Variants in FMNL2 observed in about 807,000 individuals in gnomAD.
FMNL2 encodes the protein formin-like protein 2.
In FMNL2, 51 loss-of-function variants were observed where a neutral mutation model predicts 130.2. The ratio of observed to expected loss-of-function variants is 0.39; its 90% CI spans 0.31 to 0.49. The LOEUF is 0.49. Among genes scored for constraint, FMNL2 ranks in the 20% least tolerant of loss-of-function variants. The pLI, the probability that FMNL2 is intolerant of heterozygous loss-of-function variation, is 0.85. For missense variants in FMNL2, 977 were observed against 1,316.2 expected (o/e 0.74, Z 3.99); for synonymous variants, 465 against 467.1 (o/e 1.00, Z 0.06).
intron 2 of FMNL2, among the ~76,000 whole-genome samples, chr2:152,527,785 C>T (rs1693469778): frequency 6.6e-6 from 1 of 152,138 alleles, no homozygotes; most frequent in Non-Finnish European, 1.5e-5. Flanking sequence ...GTCCTTTTCA[C>T]ATGACCCTCT....
chr2:152,402,259 G>C (rs1424112581), intron 1 of FMNL2, among the ~76,000 whole-genome samples: 2 of 152,138 alleles, frequency 1.3e-5, no homozygotes, highest in East Asian at 3.9e-4. Context: ...TGTAAATAGT[G>C]GTGAAACATG....
In FMNL2 at chr2:152,391,515, A is replaced by C. The variant is rs140066819; in HGVS notation, c.117+55795A>C. Among the ~76,000 whole-genome samples the C allele has an allele frequency of 5.9e-4, 89 of 152,134 alleles. 2 individuals are homozygous for C. The East Asian group carries it at 0.015, about 26-fold the overall frequency. On this transcript the variant is annotated intron_variant, in intron 1 of 25. Coordinates refer to ENST00000288670, the MANE Select transcript of FMNL2 (RefSeq NM_052905.4). ...AGGTGTAATTGGGATGGAGAAAGGA[A>C]GGGCAGCATGCAGGAAGTCATGTGA...
At chr2:152,646,231 C>T (rs2105989748) in intron 25 of FMNL2, among the ~76,000 whole-genome samples, 1 of 151,960 alleles carries the variant, frequency 6.6e-6, no homozygotes, top group African/African-American at 2.4e-5. Context: ...ACCTGGGACG[C>T]TGAGATGTGT....
chr2:152,524,335 T>C (rs16831290), intron 2 of FMNL2, among the ~76,000 whole-genome samples: 1,914 of 152,256 alleles, frequency 0.013, 53 homozygotes, highest in African/African-American at 0.043. Flanking sequence ...ATTGCATAAA[T>C]ACAAAGATGA....
At chr2:152,643,000 C>T (rs1034459679) in intron 25 of FMNL2, among the ~76,000 whole-genome samples, 1 of 115,454 alleles carries the variant, frequency 8.7e-6, no homozygotes, top group African/African-American at 3.2e-5. Context: ...TAGAGGGAGA[C>T]TCTGTCTCAA....
intron 1 of FMNL2, among the ~76,000 whole-genome samples, chr2:152,441,858 C>G (rs1688067854): frequency 6.6e-6 from 1 of 151,418 alleles, no homozygotes; most frequent in South Asian, 2.1e-4. Context: ...GAGAGAGGGA[C>G]TTGGAGCAGT....
At chr2:152,623,277 A>C (rs1027548955) in intron 15 of FMNL2, among the ~76,000 whole-genome samples, 4 of 152,140 alleles carry the variant, frequency 2.6e-5, no homozygotes, top group African/African-American at 4.8e-5. Context: ...GATCCCTAAC[A>C]TTGCCGAAGT....
intron 6 of FMNL2, among the ~76,000 whole-genome samples, chr2:152,569,111 C>CTT (rs34246751): frequency 7.5e-6 from 1 of 133,402 alleles, no homozygotes; most frequent in Non-Finnish European, 1.6e-5. Context: ...CCGCCCCAAT[C>CTT]TTTTTTTTTT....
At chr2:152,589,047 G>A (rs745853525) in intron 9 of FMNL2, among the ~76,000 whole-genome samples, 13 of 149,642 alleles carry the variant, frequency 8.7e-5, no homozygotes, top group African/African-American at 2.0e-4. Context: ...ATCAGCTGCC[G>A]TATTCATTTA....
chr2:152,630,435 G>C (rs1682082431), intron 20 of FMNL2, among the ~76,000 whole-genome samples: 1 of 152,194 alleles, frequency 6.6e-6, no homozygotes, highest in Non-Finnish European at 1.5e-5. Flanking sequence ...CTTTTTGTAA[G>C]TACTTTTCTA....
At chr2:152,367,540 A>G (rs1413120782) in intron 1 of FMNL2, among the ~76,000 whole-genome samples, 1 of 152,202 alleles carries the variant, frequency 6.6e-6, no homozygotes, top group Non-Finnish European at 1.5e-5. Flanking sequence ...GAAGTCACTT[A>G]GATAATTTCT....
intron 1 of FMNL2, among the ~76,000 whole-genome samples, chr2:152,419,504 A>G (rs1415052004): frequency 1.3e-5 from 2 of 152,190 alleles, no homozygotes; most frequent in Non-Finnish European, 2.9e-5. Flanking sequence ...AATCGAATTC[A>G]TAGAGGCAGA....
chr2:152,375,875 C>CTATATATATATATATATATATATATA (rs71394478), intron 1 of FMNL2, among the ~76,000 whole-genome samples: 3 of 112,834 alleles, frequency 2.7e-5, no homozygotes, highest in Non-Finnish European at 1.7e-5. Flanking sequence ...CTCTCTCTCT[C>CTATATATATATATATATATATATATA]TCTATATATA....
intron 2 of FMNL2, among the ~76,000 whole-genome samples, chr2:152,531,091 A>G (rs980269988): frequency 6.6e-6 from 1 of 152,130 alleles, no homozygotes; most frequent in Non-Finnish European, 1.5e-5. Context: ...TCTTACCGGT[A>G]AAACCACTGT....
At chr2:152,504,996 AC>A (rs1280002099) in intron 1 of FMNL2, among the ~76,000 whole-genome samples, 1 of 152,244 alleles carries the variant, frequency 6.6e-6, no homozygotes, top group African/African-American at 2.4e-5. Context: ...CATTTAAAGC[AC>A]AGTTCTTCAG....
At chr2:152,518,261 T>C (rs1231594542) in intron 1 of FMNL2, among the ~76,000 whole-genome samples, 1 of 152,182 alleles carries the variant, frequency 6.6e-6, no homozygotes, top group African/African-American at 2.4e-5. Context: ...ATGGTCCTTA[T>C]GGAATTATTA....
At chr2:152,350,221 C>T (rs554904881) in intron 1 of FMNL2, among the ~76,000 whole-genome samples, 8 of 152,108 alleles carry the variant, frequency 5.3e-5, no homozygotes, top group South Asian at 2.1e-4. Context: ...TTTGTTTCTC[C>T]GTTTGCTGGT....
chr2:152,597,347 A>C (rs1697824168), intron 9 of FMNL2, among the ~76,000 whole-genome samples: 1 of 152,260 alleles, frequency 6.6e-6, no homozygotes, highest in Non-Finnish European at 1.5e-5. Context: ...TCATCTTGCA[A>C]CTGAAATAAT....
At chr2:152,580,920 C>G in intron 8 of FMNL2, 36 bp from the exon 9 acceptor site, 1 of 1,583,516 alleles carries the variant, frequency 6.3e-7, no homozygotes, top group Non-Finnish European at 8.7e-7. Flanking sequence ...ATGCCATTTT[C>G]ACTGATTTGT....
Sources: allele counts gnomAD v4.1 joint callset (sites outside exome capture counted in the v4.1 genomes callset), GRCh38; gene constraint gnomAD v4.1.1; transcripts MANE v1.5; gene names NCBI Gene and HGNC (gene_info 2026-07-23, HGNC 2026-07-21).